The following GNB1 variants were observed in gnomAD, a reference collection of about 807,000 sequenced individuals.
GNB1 encodes guanine nucleotide-binding protein G(I)/G(S)/G(T) subunit beta-1.
In GNB1, 2 loss-of-function variants were observed where a neutral mutation model predicts 42.9. The ratio of observed to expected loss-of-function variants is 0.05; its 90% confidence interval spans 0.02 to 0.15. GNB1 has a LOEUF of 0.15. GNB1 is among the 10% of genes least tolerant of loss of function. The pLI is 1.00. For missense variants in GNB1, 193 were observed against 462.2 expected (o/e 0.42, Z 5.34); for synonymous variants, 183 against 174.7 (o/e 1.05, Z -0.38).
At chr1:1,840,635 A>T (rs191810154) in intron 1 of GNB1, among the ~76,000 whole-genome samples, 2 of 152,370 alleles carry the variant, frequency 1.3e-5, no homozygotes, top group East Asian at 1.9e-4. Flanking sequence ...AGTGGAGAGC[A>T]TTTCATCTGA....
At chr1:1,807,667 G>A (rs1646720178) in intron 5 of GNB1, among the ~76,000 whole-genome samples, 1 of 151,620 alleles carries the variant, frequency 6.6e-6, no homozygotes, top group South Asian at 2.1e-4. Context: ...ACTGCGCATG[G>A]TCCGGGAGCA....
chr1:1,804,213 C>G (rs566059579), intron 7 of GNB1, among the ~76,000 whole-genome samples: 16 of 151,866 alleles, frequency 1.1e-4, no homozygotes, highest in Non-Finnish European at 2.4e-4. Context: ...AGGGGAATGG[C>G]GTGAACACCC....
At chr1:1,858,016 G>A (rs1158682813) in intron 1 of GNB1, among the ~76,000 whole-genome samples, 1 of 152,156 alleles carries the variant, frequency 6.6e-6, no homozygotes, top group African/African-American at 2.4e-5. Context: ...TCTTCCCTCT[G>A]GCACTGCACT....
At chr1:1,842,453 A>C (rs1216982586) in intron 1 of GNB1, among the ~76,000 whole-genome samples, 2 of 151,682 alleles carry the variant, frequency 1.3e-5, no homozygotes, top group Admixed American at 1.3e-4. Context: ...AAAAAAAAGA[A>C]GTCCTGGTCC....
intron 5 of GNB1, among the ~76,000 whole-genome samples, chr1:1,807,893 CAG>C (rs1176958725): frequency 6.6e-6 from 1 of 151,850 alleles, no homozygotes; most frequent in African/African-American, 2.4e-5. Context: ...GTATTTTTAG[CAG>C]AGACAGGGTC....
chr1:1,864,821 G>A (rs1295680784), intron 1 of GNB1, among the ~76,000 whole-genome samples: 2 of 152,184 alleles, frequency 1.3e-5, no homozygotes, highest in African/African-American at 4.8e-5. Flanking sequence ...ACTTACAGCT[G>A]CTGATGCACA....
At chr1:1,883,930 T>G (rs1408294972) in intron 1 of GNB1, among the ~76,000 whole-genome samples, 4 of 151,914 alleles carry the variant, frequency 2.6e-5, no homozygotes, top group Non-Finnish European at 5.9e-5. Context: ...TATTGTAGAC[T>G]CTTTTGACAT....
chr1:1,799,806 C>G (rs1353608050), intron 7 of GNB1, among the ~76,000 whole-genome samples: 1 of 152,196 alleles, frequency 6.6e-6, no homozygotes, highest in Admixed American at 6.5e-5. Context: ...CACACAAGAC[C>G]TGTGGCCAAG....
chr1:1,804,061 A>G (rs1421476674), intron 7 of GNB1, among the ~76,000 whole-genome samples: 3 of 141,286 alleles, frequency 2.1e-5, no homozygotes, highest in Non-Finnish European at 4.6e-5. Context: ...TGGGAGGCTG[A>G]GGTGGGTGGA....
intron 7 of GNB1, 102 bp from the exon 8 acceptor site, chr1:1,793,413 AG>A: frequency 1.4e-6 from 1 of 712,468 alleles, no homozygotes; most frequent in African/African-American, 1.7e-5. Flanking sequence ...TCTACGTCTA[AG>A]GTAAGACCAG....
At position 1,785,870 on chromosome 1, in the gene GNB1, C is replaced by T. The variant is rs1468267937; in HGVS notation, c.*1193G>A. The T allele has an allele frequency of 1.3e-5, 5 of 397,106 alleles. No individual in the cohort carries two copies. The highest frequency in any genetic ancestry group is 4.4e-5 in the Admixed American group (1 of 22,576). The allele number at this position is 397,106 out of a possible 1,614,324, so 24.6% of individuals were successfully genotyped here. A position where few individuals can be genotyped will look rare whatever the true frequency, so the allele number is the denominator to read the frequency against. ...CGCTACCCAAGCGTGTAGAGCCGCG[C>T]GCTGTACTGCTTCCGATATGTGCCA... is the stretch of plus-strand genomic sequence containing the variant. On this transcript the variant is annotated 3_prime_UTR_variant, in exon 12 of 12. Transcript: ENST00000378609.
intron 5 of GNB1, among the ~76,000 whole-genome samples, chr1:1,810,180 C>T (rs992251475): frequency 2.6e-5 from 4 of 152,046 alleles, no homozygotes; most frequent in African/African-American, 7.2e-5. Flanking sequence ...ATTCTCCTGC[C>T]TCAGCCTCCC....
chr1:1,815,994 G>A, intron 4 of GNB1, 132 bp from the exon 5 acceptor site: 1 of 659,530 alleles, frequency 1.5e-6, no homozygotes, highest in South Asian at 1.8e-5. Flanking sequence ...GTTCTCCAGT[G>A]GCTTCCACTG....
chr1:1,791,845 TAATA>T (rs1190917668), intron 8 of GNB1, among the ~76,000 whole-genome samples: 6 of 152,244 alleles, frequency 3.9e-5, no homozygotes, highest in Admixed American at 2.0e-4. Flanking sequence ...AAATATCTTC[TAATA>T]AATAAAGTCT....
intron 7 of GNB1, among the ~76,000 whole-genome samples, chr1:1,797,851 G>A (rs921068850): frequency 3.3e-5 from 5 of 152,220 alleles, no homozygotes; most frequent in African/African-American, 1.2e-4. Context: ...CAAGGGAGGC[G>A]CACAGGACAC....
chr1:1,793,474 C>T (rs1043213515), intron 7 of GNB1, 163 bp from the exon 8 acceptor site: 6 of 528,182 alleles, frequency 1.1e-5, no homozygotes, highest in Admixed American at 2.7e-5. Flanking sequence ...GCAGAAGGTC[C>T]ACACGCACTG....
intron 1 of GNB1, among the ~76,000 whole-genome samples, chr1:1,870,589 T>C (rs1009000653): frequency 2.0e-5 from 3 of 152,234 alleles, no homozygotes; most frequent in African/African-American, 7.2e-5. Context: ...CACTTCCTTA[T>C]GCGCTGTTAC....
intron 1 of GNB1, among the ~76,000 whole-genome samples, chr1:1,840,043 T>TAA (rs34674637): frequency 1.4e-4 from 20 of 141,350 alleles, no homozygotes; most frequent in Middle Eastern, 3.5e-3. Context: ...GGCAGCGAAC[T>TAA]AAAAAAAAAA....
intron 3 of GNB1, 85 bp from the exon 4 acceptor site, chr1:1,817,960 C>T (rs1377950443): frequency 2.9e-6 from 3 of 1,035,838 alleles, no homozygotes; most frequent in Non-Finnish European, 4.5e-6. Flanking sequence ...TCAAAGAGAG[C>T]TTTCCTAAGC....
Sources: gnomAD v4.1 joint callset for allele counts (sites outside exome capture counted in the v4.1 genomes callset) on GRCh38, gnomAD v4.1.1 for gene constraint, MANE v1.5 for transcripts, NCBI Gene and HGNC (gene_info 2026-07-23, HGNC 2026-07-21) for gene names.